SH3RF3: variants seen among roughly 807,000 people sequenced by gnomAD.
SH3RF3 encodes SH3 domain containing ring finger 3, also known as E3 ubiquitin-protein ligase SH3RF3.
SH3RF3 carries 29 observed loss-of-function variants against 66.3 expected under a neutral mutation model. The observed-to-expected ratio is 0.44, with a 90% CI of 0.33 to 0.60. The LOEUF (loss-of-function observed/expected upper bound fraction) is 0.60, where lower values mean the gene tolerates loss of function less well. Ranked by LOEUF, SH3RF3 falls within the 20% of genes least tolerant of loss-of-function variation. SH3RF3 has a pLI of 0.04. For missense variants in SH3RF3, 1,194 were observed against 1,190.9 expected (o/e 1.00, Z -0.04); for synonymous variants, 583 against 532.0 (o/e 1.10, Z -1.32).
Position 109,497,049 on chromosome 2 carries a change from C to G in SH3RF3, c.2481-4454C>G, listed in dbSNP as rs1222789140. Reference sequence around the variant, plus strand: ...CTACCCTAGAGCCTGCAGGAGGAACCAGCCTTGCAGATGCCTTGATTTTGG... The same window carrying G: ...CTACCCTAGAGCCTGCAGGAGGAACGAGCCTTGCAGATGCCTTGATTTTGG... On this transcript the variant is annotated intron_variant, in intron 9 of 9. Transcript: ENST00000309415. 5.3e-5 allele frequency among the ~76,000 whole-genome samples: 8 copies of G among 152,300 alleles called. No homozygotes were observed. In the East Asian group the frequency reaches 1.4e-3, roughly 26 times the overall value.
intron 1 of SH3RF3, among the ~76,000 whole-genome samples, chr2:109,328,819 T>G (rs906636100): frequency 6.6e-6 from 1 of 152,226 alleles, no homozygotes; most frequent in Non-Finnish European, 1.5e-5. Context: ...ATATTTCACC[T>G]GAACACAGTG....
chr2:109,442,165 G>C (rs1677583926), intron 7 of SH3RF3, among the ~76,000 whole-genome samples: 1 of 152,022 alleles, frequency 6.6e-6, no homozygotes, highest in Non-Finnish European at 1.5e-5. Context: ...CAAAAAATTA[G>C]CCAGGCGTGT....
chr2:109,133,211 C>T (rs1438455568), intron 1 of SH3RF3, among the ~76,000 whole-genome samples: 1 of 152,176 alleles, frequency 6.6e-6, no homozygotes, highest in African/African-American at 2.4e-5. Context: ...TTAAAGAATT[C>T]TAGAAAGCTT....
chr2:109,284,436 A>G (rs957984680), intron 1 of SH3RF3, among the ~76,000 whole-genome samples: 10 of 152,196 alleles, frequency 6.6e-5, no homozygotes, highest in African/African-American at 2.4e-4. Context: ...TGGCTGGTCT[A>G]GGGCGTGTGG....
chr2:109,241,993 G>A (rs962862593), intron 1 of SH3RF3, among the ~76,000 whole-genome samples: 30 of 152,114 alleles, frequency 2.0e-4, no homozygotes, highest in African/African-American at 6.7e-4. Context: ...TGACACCTGT[G>A]AGTGATCAGA....
intron 3 of SH3RF3, among the ~76,000 whole-genome samples, 181 bp downstream of exon 3, chr2:109,371,862 G>A (rs74561298): frequency 3.1e-4 from 47 of 152,344 alleles, no homozygotes; most frequent in Non-Finnish European, 6.2e-4. Context: ...AGTGCTGTGA[G>A]CACTGCCTTG....
intron 1 of SH3RF3, chr2:109,251,357 G>A (rs901687684): frequency 8.5e-6 from 5 of 586,674 alleles, no homozygotes; most frequent in Non-Finnish European, 9.6e-6. Context: ...CCGGCCTGCC[G>A]CGGGAGCATG....
chr2:109,375,188 C>G (rs1366890332), intron 3 of SH3RF3, among the ~76,000 whole-genome samples: 1 of 152,282 alleles, frequency 6.6e-6, no homozygotes, highest in African/African-American at 2.4e-5. Flanking sequence ...CCCATCTGTG[C>G]TGTGCTCACC....
intron 1 of SH3RF3, among the ~76,000 whole-genome samples, chr2:109,177,706 C>T (rs1464423762): frequency 1.3e-5 from 2 of 152,208 alleles, no homozygotes; most frequent in African/African-American, 4.8e-5. Flanking sequence ...CTCTGAATAA[C>T]TTAGGACAGG....
intron 1 of SH3RF3, among the ~76,000 whole-genome samples, chr2:109,272,535 G>A (rs1680650859): frequency 6.6e-6 from 1 of 152,218 alleles, no homozygotes; most frequent in African/African-American, 2.4e-5. Flanking sequence ...AGTAGGGTGT[G>A]TTTCTTTTGG....
intron 1 of SH3RF3, among the ~76,000 whole-genome samples, chr2:109,231,572 C>T: frequency 6.6e-6 from 1 of 152,146 alleles, no homozygotes; most frequent in East Asian, 1.9e-4. Flanking sequence ...TTTCTTTATT[C>T]CATGATAAGC....
At chr2:109,178,438 T>C (rs978142498) in intron 1 of SH3RF3, among the ~76,000 whole-genome samples, 3 of 152,236 alleles carry the variant, frequency 2.0e-5, no homozygotes, top group Admixed American at 2.0e-4. Context: ...TTGTGAGCTC[T>C]AGATGGTCTC....
intron 3 of SH3RF3, among the ~76,000 whole-genome samples, chr2:109,396,620 C>T (rs547857745): frequency 6.6e-6 from 1 of 152,338 alleles, no homozygotes; most frequent in Admixed American, 6.5e-5. Flanking sequence ...AGTTCTGAAT[C>T]TGGGTGAGAC....
At chr2:109,403,895 C>T (rs1676380490) in intron 4 of SH3RF3, among the ~76,000 whole-genome samples, 1 of 152,214 alleles carries the variant, frequency 6.6e-6, no homozygotes, top group African/African-American at 2.4e-5. Flanking sequence ...CCACCATGGC[C>T]ACTGTGAGGG....
intron 1 of SH3RF3, among the ~76,000 whole-genome samples, chr2:109,189,395 C>T (rs973585310): frequency 2.2e-4 from 33 of 147,194 alleles, no homozygotes; most frequent in African/African-American, 7.8e-4. Context: ...TTTTTTGAGA[C>T]GGAGTCTCTG....
At chr2:109,475,523 A>C (rs1678660306) in intron 8 of SH3RF3, among the ~76,000 whole-genome samples, 1 of 152,196 alleles carries the variant, frequency 6.6e-6, no homozygotes, top group African/African-American at 2.4e-5. Flanking sequence ...TGCCTCATAC[A>C]GTTGGCTGTG....
intron 1 of SH3RF3, among the ~76,000 whole-genome samples, chr2:109,136,340 G>A (rs537571237): frequency 2.2e-4 from 34 of 152,208 alleles, no homozygotes; most frequent in African/African-American, 8.2e-4. Flanking sequence ...GAGATCTTCA[G>A]ATTTGATGAA....
chr2:109,189,890 G>A (rs1187080061), intron 1 of SH3RF3, among the ~76,000 whole-genome samples: 1 of 152,132 alleles, frequency 6.6e-6, no homozygotes, highest in African/African-American at 2.4e-5. Context: ...AGGTTGGAGC[G>A]ATCATACTTT....
At chr2:109,170,631 C>G (rs1254785220) in intron 1 of SH3RF3, among the ~76,000 whole-genome samples, 1 of 152,088 alleles carries the variant, frequency 6.6e-6, no homozygotes, top group Non-Finnish European at 1.5e-5. Flanking sequence ...ATTACAGGTG[C>G]GAGCCACTGT....
Sources: gnomAD v4.1 joint callset for allele counts (sites outside exome capture counted in the v4.1 genomes callset) on GRCh38, gnomAD v4.1.1 for gene constraint, MANE v1.5 for transcripts, NCBI Gene and HGNC (gene_info 2026-07-23, HGNC 2026-07-21) for gene names.